The following SEC14L2 variants were observed in gnomAD, a reference collection of about 807,000 sequenced individuals.
SEC14L2 encodes the protein SEC14-like protein 2.
A neutral mutation model predicts 56.9 loss-of-function variants in SEC14L2; 50 were observed. That is an observed-to-expected ratio of 0.88 (90% CI 0.70 to 1.11). The LOEUF (loss-of-function observed/expected upper bound fraction) is 1.11, where lower values mean the gene tolerates loss of function less well. Ranked by LOEUF, SEC14L2 falls within the 50% of genes most tolerant of loss-of-function variation. The pLI is 0.00. For missense variants in SEC14L2, 414 were observed against 500.7 expected, an observed-to-expected ratio of 0.83 and a Z score of 1.65; for synonymous variants, 179 against 188.5, an observed-to-expected ratio of 0.95 and a Z score of 0.41.
Position 30,416,224 on chromosome 22 carries a change from T to C in SEC14L2, c.912-10T>C, listed in dbSNP as rs1358648404. ...CAGAATTATGTCTCAATTGGTGATA[T>C]CCCCTGCAGGTGGCAGTTTATGTCA... On this transcript the variant is annotated splice_polypyrimidine_tract_variant and intron_variant, in intron 10 of 11. Coordinates refer to ENST00000615189, the MANE Select transcript of SEC14L2 (RefSeq NM_012429.5). 1 of 1,613,166 alleles carries C rather than the reference T, an allele frequency of 6.2e-7. No homozygotes were observed. Among genetic ancestry groups the C allele is most frequent in the African/African-American group, 1.3e-5 (1 of 74,924 alleles).
At position 30,407,513 on chromosome 22, in the gene SEC14L2, G is replaced by T; in HGVS notation, c.333G>T (p.Leu111=). ...DIIGPLDAKG[L]LFSASKQDLL... ...TTGGACCTCTGGATGCCAAGGGTCT[G>T]CTGTTCTCAGCCTCCAAACAGGACC... is the stretch of plus-strand genomic sequence containing the variant. The change falls in exon 5 of 12, where the codon CTG becomes CTT. Residue 111 remains leucine, a synonymous_variant. Transcript: ENST00000615189. 3 of 1,614,178 alleles carry T rather than the reference G, an allele frequency of 1.9e-6. No homozygotes were observed. The highest frequency in any genetic ancestry group is 2.5e-6 in the Non-Finnish European group (3 of 1,180,024).
chr22:30,424,860 AC>A lies in SEC14L2; in HGVS notation c.*2457del. On this transcript the variant is annotated 3_prime_UTR_variant, in exon 12 of 12. Transcript: ENST00000615189. ...AGGCTTCCTCCTGTTGTAATCACTA[AC>A]CCCAACTCTGTCTCCCTTGCCCGAT... 1 of 455,348 alleles carries A rather than the reference AC, an allele frequency of 2.2e-6. No individual in the cohort carries two copies. The highest frequency in any genetic ancestry group is 2.4e-5 in the Admixed American group (1 of 42,346). The allele number at this position is 455,348 out of a possible 1,614,324, so 28.2% of individuals were successfully genotyped here. A position where few individuals can be genotyped will look rare whatever the true frequency, so the allele number is the denominator to read the frequency against.
At position 30,401,719 on chromosome 22, in the gene SEC14L2, C is replaced by T. The variant is rs1933943456; in HGVS notation, c.130+2001C>T. Among the ~76,000 whole-genome samples, 4 of 145,102 alleles carry T rather than the reference C, an allele frequency of 2.8e-5. No homozygotes were observed. The South Asian group carries it at 8.8e-4, about 32-fold the overall frequency. Reference sequence around the variant, plus strand: ...TGTATCTTTAGTAGAGACGGGGTTTCACTATGTTGGCCAGCCTGGTCTCGA... The same window carrying T: ...TGTATCTTTAGTAGAGACGGGGTTTTACTATGTTGGCCAGCCTGGTCTCGA... On this transcript the variant is annotated intron_variant, in intron 2 of 11. Transcript: ENST00000615189.
chr22:30,397,857 C>T, intron 1 of SEC14L2: 1 of 471,164 alleles, frequency 2.1e-6, no homozygotes, highest in Non-Finnish European at 4.4e-6. Flanking sequence ...TTATGCTCCT[C>T]AGAAGGCAAG....
At chr22:30,404,984 T>A (rs1441916558) in intron 2 of SEC14L2, among the ~76,000 whole-genome samples, 2 of 151,746 alleles carry the variant, frequency 1.3e-5, no homozygotes, top group Non-Finnish European at 2.9e-5. Flanking sequence ...GCAGGAGAAT[T>A]GCTTGAACCC....
At chr22:30,399,805 A>C in intron 2 of SEC14L2, 87 bp downstream of exon 2, 1 of 1,207,324 alleles carries the variant, frequency 8.3e-7, no homozygotes, top group East Asian at 2.4e-5. Flanking sequence ...GCCCTTGGCA[A>C]TTGAGGCATC....
At chr22:30,415,910 A>C in intron 9 of SEC14L2, 38 bp from the exon 10 acceptor site, 2 of 1,614,182 alleles carry the variant, frequency 1.2e-6, no homozygotes, top group South Asian at 1.1e-5. Context: ...TGCCTGGCTC[A>C]AATGCACATT....
At chr22:30,413,908 G>A (rs1244362319) in intron 8 of SEC14L2, among the ~76,000 whole-genome samples, 2 of 151,810 alleles carry the variant, frequency 1.3e-5, no homozygotes, top group East Asian at 1.9e-4. Context: ...GCGTGATCAC[G>A]GCTTACTGGA....
intron 2 of SEC14L2, among the ~76,000 whole-genome samples, chr22:30,403,042 A>G (rs1933984661): frequency 6.6e-6 from 1 of 152,230 alleles, no homozygotes; most frequent in South Asian, 2.1e-4. Context: ...GCACCACTGC[A>G]TTCCAACCTG....
rs12157762 is a variant in SEC14L2, at chr22:30,418,594, A to G, written c.1081+2191A>G. Reference sequence around the variant, plus strand: ...GTTCCTTCTGGATACATTCCCAACCAGAACCTTTACCTGCCTGCAGGGTCT... The same window carrying G: ...GTTCCTTCTGGATACATTCCCAACCGGAACCTTTACCTGCCTGCAGGGTCT... On this transcript the variant is annotated intron_variant, in intron 11 of 11. Coordinates refer to ENST00000615189, the MANE Select transcript of SEC14L2 (RefSeq NM_012429.5). 3.4e-3 allele frequency among the ~76,000 whole-genome samples: 523 copies of G among 152,360 alleles called. 2 individuals carry two copies. The highest frequency in any genetic ancestry group is 0.012 in the African/African-American group (500 of 41,578).
In SEC14L2 at chr22:30,407,208, C is replaced by G. The variant is rs533659894; in HGVS notation, c.234+54C>G. The G allele has an allele frequency of 4.1e-5, 65 of 1,582,474 alleles. No individual in the cohort carries two copies. In the East Asian group the frequency reaches 1.4e-3, roughly 34 times the overall value. ...TATGCTAGGCCTTTCAGACCCACAA[C>G]CTGGGTCCTGGATCCACTGGATTTG... On this transcript the variant is annotated intron_variant, in intron 4 of 11. Coordinates refer to ENST00000615189, the MANE Select transcript of SEC14L2 (RefSeq NM_012429.5).
intron 8 of SEC14L2, among the ~76,000 whole-genome samples, chr22:30,412,840 C>A (rs868689176): frequency 1.4e-3 from 168 of 119,162 alleles, no homozygotes; most frequent in Middle Eastern, 8.0e-3. Context: ...AAAAAACAAA[C>A]AAAAAAACAA....
chr22:30,412,257 CA>C (rs1051481575), intron 8 of SEC14L2, among the ~76,000 whole-genome samples: 1 of 151,524 alleles, frequency 6.6e-6, no homozygotes, highest in Non-Finnish European at 1.5e-5. Flanking sequence ...TCTGTCTCTA[CA>C]AAAAAAAGTA....
rs563434409 is a variant in SEC14L2 at position 30,403,514 on chromosome 22, A to AG, written c.131-2825dup. ...GCCATGCTTTGAGTTGCCCCTGACC[A>AG]GGGCAGCAGGAGCCTGGAGAGGCCT... On this transcript the variant is annotated intron_variant, in intron 2 of 11. Transcript: ENST00000615189. Among the ~76,000 whole-genome samples the AG allele has an allele frequency of 2.6e-5, 4 of 152,302 alleles. No homozygotes were observed. The South Asian group carries it at 8.3e-4, about 32-fold the overall frequency.
At chr22:30,412,162 A>G (rs1934267407) in intron 8 of SEC14L2, among the ~76,000 whole-genome samples, 1 of 152,196 alleles carries the variant, frequency 6.6e-6, no homozygotes, top group South Asian at 2.1e-4. Context: ...ACTGGGAATC[A>G]GAGTTTTCAG....
intron 9 of SEC14L2, 23 bp downstream of exon 9, chr22:30,415,888 G>A: frequency 6.2e-7 from 1 of 1,614,176 alleles, no homozygotes; most frequent in Non-Finnish European, 8.5e-7. Flanking sequence ...AGAGGCTAGA[G>A]GTGAACAGGG....
At position 30,407,460 on chromosome 22, in the gene SEC14L2, G is replaced by C; in HGVS notation, c.280G>C (p.Asp94His). 4 of 1,614,176 alleles carry C rather than the reference G, an allele frequency of 2.5e-6. No individual in the cohort carries two copies. The highest frequency in any genetic ancestry group is 3.4e-6 in the Non-Finnish European group (4 of 1,180,032). The change falls in exon 5 of 12, where the codon GAT (aspartate) becomes CAT (histidine). Residue 94 changes from aspartate (D) to histidine (H), a missense_variant. Physicochemically the swap from Asp to His is moderately conservative, Grantham distance 81. Coordinates refer to ENST00000615189, the MANE Select transcript of SEC14L2 (RefSeq NM_012429.5). ...LSGGMCGYDL[D>H]GCPVWYDIIG... ...AGGGGGTATGTGTGGCTATGACCTG[G>C]ATGGCTGCCCAGTCTGGTACGACAT...
intron 8 of SEC14L2, 23 bp from the exon 9 acceptor site, chr22:30,415,736 T>C: frequency 6.2e-7 from 1 of 1,602,328 alleles, no homozygotes; most frequent in Non-Finnish European, 8.6e-7. Flanking sequence ...TACATCTTTA[T>C]CCTTCCTTCC....
Position 30,423,037 on chromosome 22 carries a change from C to G in SEC14L2, c.*630C>G, listed in dbSNP as rs1439955571. 1 of 152,808 alleles carries G rather than the reference C, an allele frequency of 6.5e-6. No individual in the cohort carries two copies. The highest frequency in any genetic ancestry group is 1.9e-4 in the East Asian group (1 of 5,188). 9.5% of individuals were successfully genotyped at this position (152,808 alleles called of 1,614,324 possible). ...AACTCCTGGGCCACACGGCCTGCCT[C>G]TTTGATTACTAATGATTGTCAGTGA... On this transcript the variant is annotated 3_prime_UTR_variant, in exon 12 of 12. Transcript: ENST00000615189.
Sources: gnomAD v4.1 joint callset for allele counts (sites outside exome capture counted in the v4.1 genomes callset) on GRCh38, gnomAD v4.1.1 for gene constraint, MANE v1.5 for transcripts, NCBI Gene and HGNC (gene_info 2026-07-23, HGNC 2026-07-21) for gene names.